PDE1B: variants seen among roughly 807,000 people sequenced by gnomAD.
PDE1B encodes dual specificity calcium/calmodulin-dependent 3',5'-cyclic nucleotide phosphodiesterase 1B.
In PDE1B, 13 loss-of-function variants were observed where a neutral mutation model predicts 66.7. The observed-to-expected ratio is 0.19, with a 90% confidence interval of 0.13 to 0.31. The LOEUF is 0.31. Ranked by LOEUF, PDE1B falls within the 10% of genes least tolerant of loss-of-function variation. The pLI, the probability that PDE1B is intolerant of heterozygous loss-of-function variation, is 1.00. For missense variants in PDE1B, 485 were observed against 682.3 expected (o/e 0.71, Z 3.22); for synonymous variants, 230 against 253.9 (o/e 0.91, Z 0.90).
chr12:54,556,884 G>A (rs1208152746), intron 2 of PDE1B, among the ~76,000 whole-genome samples: 4 of 151,650 alleles, frequency 2.6e-5, no homozygotes, highest in Non-Finnish European at 4.4e-5. Context: ...GAGGGCTGGG[G>A]GCTGGGGGCT....
At chr12:54,557,196 G>A (rs550906215) in intron 2 of PDE1B, among the ~76,000 whole-genome samples, 2 of 152,278 alleles carry the variant, frequency 1.3e-5, no homozygotes, top group African/African-American at 2.4e-5. Context: ...AAATCAAATT[G>A]CACTAGACAC....
At chr12:54,563,061 C>T (rs1957447623) in intron 2 of PDE1B, among the ~76,000 whole-genome samples, 1 of 152,144 alleles carries the variant, frequency 6.6e-6, no homozygotes, top group African/African-American at 2.4e-5. Flanking sequence ...TGGGAGATAG[C>T]CTCACACCTG....
chr12:54,563,879 G>A (rs188899321), intron 2 of PDE1B, among the ~76,000 whole-genome samples: 63 of 152,186 alleles, frequency 4.1e-4, no homozygotes, highest in African/African-American at 1.5e-3. Flanking sequence ...GCGAACTGTG[G>A]CTCACACCTG....
At chr12:54,565,126 G>C (rs1031330010) in intron 2 of PDE1B, among the ~76,000 whole-genome samples, 1 of 152,244 alleles carries the variant, frequency 6.6e-6, no homozygotes, top group Non-Finnish European at 1.5e-5. Context: ...GCTGGGATGT[G>C]GGTTTCAAAA....
chr12:54,562,503 T>A (rs982233739), intron 2 of PDE1B, among the ~76,000 whole-genome samples: 24 of 152,342 alleles, frequency 1.6e-4, no homozygotes, highest in Middle Eastern at 3.4e-3. Flanking sequence ...GGGTTGAGCA[T>A]CCTGTTCTAC....
chr12:54,554,659 T>C (rs937198972), intron 2 of PDE1B, among the ~76,000 whole-genome samples: 2 of 152,008 alleles, frequency 1.3e-5, no homozygotes, highest in Non-Finnish European at 1.5e-5. Flanking sequence ...CTGGTCAGGA[T>C]AGGTGGCTGG....
chr12:54,571,525 T>C (rs946073120), intron 6 of PDE1B: 1 of 152,214 alleles, frequency 6.6e-6, no homozygotes, highest in Non-Finnish European at 1.5e-5. Context: ...CAAGAGTAGC[T>C]GTTTTGGGTT....
At chr12:54,556,735 C>T (rs900333330) in intron 2 of PDE1B, among the ~76,000 whole-genome samples, 1 of 152,138 alleles carries the variant, frequency 6.6e-6, no homozygotes, top group Non-Finnish European at 1.5e-5. Context: ...AAGAGCCAGA[C>T]TTCCAGGTCA....
chr12:54,579,147 C>G lies in PDE1B; in HGVS notation c.*1305C>G, dbSNP rs1489722114. The G allele has an allele frequency of 1.6e-6, 1 of 627,304 alleles. No individual in the cohort carries two copies. The highest frequency in any genetic ancestry group is 2.0e-5 in the African/African-American group (1 of 49,730). The allele number at this position is 627,304 out of a possible 1,614,324, so 38.9% of individuals were successfully genotyped here. ...CCCTGGTACTTCCACCCTACCCCAC[C>G]CCGAGAAGGGCAGAGACGCATGTGA... On this transcript the variant is annotated 3_prime_UTR_variant, in exon 16 of 16. Transcript: ENST00000243052.
At chr12:54,570,751 C>T (rs544389604) in intron 6 of PDE1B, 4 of 199,536 alleles carry the variant, frequency 2.0e-5, no homozygotes, top group Admixed American at 5.2e-5. Context: ...CTCCCTCCCC[C>T]GTCCCCCAGT....
rs372094042 is a variant in PDE1B at position 54,576,709 on chromosome 12, C to T, written c.1507+8C>T. On this transcript the variant is annotated splice_region_variant and intron_variant, in intron 14 of 15. Coordinates refer to ENST00000243052, the MANE Select transcript of PDE1B (RefSeq NM_000924.4). ...AGGAACGGGCAGCAAGTGGTGGGTA[C>T]CATGGCAGAGGGCAGGGGTGAGAAC... 42 of 1,598,492 alleles carry T rather than the reference C, an allele frequency of 2.6e-5. No homozygotes were observed. In the African/African-American group the frequency reaches 4.6e-4, roughly 17 times the overall value.
intron 2 of PDE1B, among the ~76,000 whole-genome samples, chr12:54,555,448 C>G (rs888801039): frequency 6.6e-6 from 1 of 152,086 alleles, no homozygotes; most frequent in Non-Finnish European, 1.5e-5. Context: ...CCACCTTTGC[C>G]CAGAGGAAGG....
intron 2 of PDE1B, among the ~76,000 whole-genome samples, chr12:54,550,754 C>T (rs188463285): frequency 6.6e-6 from 1 of 152,238 alleles, no homozygotes; most frequent in East Asian, 1.9e-4. Flanking sequence ...ATTTGGGCAT[C>T]TTTTCCTATT....
chr12:54,576,845 C>G lies in PDE1B; in HGVS notation c.1507+144C>G, dbSNP rs1957761361. On this transcript the variant is annotated intron_variant, in intron 14 of 15. Transcript: ENST00000243052. ...GTGGAGCTGATCAGACCAGTTAGAT[C>G]ACAGGAAAGACTGGCTGAGTGGCCT... is the stretch of plus-strand genomic sequence containing the variant. 9 of 824,738 alleles carry G rather than the reference C, an allele frequency of 1.1e-5. No homozygotes were observed. The South Asian group carries it at 1.4e-4, about 13-fold the overall frequency. The allele number at this position is 824,738 out of a possible 1,614,324, so 51.1% of individuals were successfully genotyped here.
rs1353856641 is a variant in PDE1B, at chr12:54,578,355, G to A, written c.*513G>A. 2 of 152,216 alleles carry A rather than the reference G, an allele frequency of 1.3e-5. No individual in the cohort carries two copies. Among genetic ancestry groups the A allele is most frequent in the East Asian group, 3.9e-4 (2 of 5,172 alleles). 9.4% of individuals were successfully genotyped at this position (152,216 alleles called of 1,614,324 possible). On this transcript the variant is annotated 3_prime_UTR_variant, in exon 16 of 16. Coordinates refer to ENST00000243052, the MANE Select transcript of PDE1B (RefSeq NM_000924.4). The stretch of plus-strand genomic sequence containing the variant: ...GGATAGAAAGCTGGGGGTTTTCAGA[G>A]CCCTATGTGTGGGGAGGGGAGTGGA...
At chr12:54,577,425 G>T (rs1957778724) in intron 15 of PDE1B, 80 bp downstream of exon 15, 2 of 1,607,942 alleles carry the variant, frequency 1.2e-6, no homozygotes, top group Non-Finnish European at 1.7e-6. Context: ...GGGCTCCAGT[G>T]GATGCGACAT....
chr12:54,575,274 C>T lies in PDE1B; in HGVS notation c.1185+56C>T. 6.6e-7 allele frequency: 1 copy of T among 1,518,158 alleles called. No homozygotes were observed. Among genetic ancestry groups the T allele is most frequent in the Admixed American group, 1.7e-5 (1 of 59,288 alleles). The allele number at this position is 1,518,158 out of a possible 1,614,324, so 94.0% of individuals were successfully genotyped here. A position where few individuals can be genotyped will look rare whatever the true frequency, so the allele number is the denominator to read the frequency against. On this transcript the variant is annotated intron_variant, in intron 11 of 15. Coordinates refer to ENST00000243052, the MANE Select transcript of PDE1B (RefSeq NM_000924.4). The surrounding 1 kb of genome is among the most constrained non-coding windows in gnomAD (Gnocchi z 4.0). The stretch of plus-strand genomic sequence containing the variant: ...TATGGGGGCCTTCTCTCCCCTTTTG[C>T]CCTCCAAGTTCCCCAATCCTGTTCC...
At chr12:54,561,849 C>T (rs1957421414) in intron 2 of PDE1B, among the ~76,000 whole-genome samples, 1 of 137,394 alleles carries the variant, frequency 7.3e-6, no homozygotes, top group African/African-American at 3.2e-5. Flanking sequence ...CCATTTCCAT[C>T]CCCCCCCACC....
In PDE1B at chr12:54,569,399, C is replaced by A; in HGVS notation, c.410+33C>A. The A allele has an allele frequency of 6.3e-7, 1 of 1,592,234 alleles. No homozygotes were observed. Among genetic ancestry groups the A allele is most frequent in the South Asian group, 1.1e-5 (1 of 87,576 alleles). ...TCGCCCACACTCAGCCTCCCTCTGC[C>A]TTTAGCTGTGCCCCTCTTTCCCAGC... On this transcript the variant is annotated intron_variant, in intron 4 of 15. Coordinates refer to ENST00000243052, the MANE Select transcript of PDE1B (RefSeq NM_000924.4). The surrounding 1 kb of genome is among the most constrained non-coding windows in gnomAD (Gnocchi z 4.4).
Sources: gnomAD v4.1 joint callset for allele counts (sites outside exome capture counted in the v4.1 genomes callset) on GRCh38, gnomAD v4.1.1 for gene constraint, Gnocchi (gnomAD v3.1) non-coding constraint, MANE v1.5 for transcripts, NCBI Gene and HGNC (gene_info 2026-07-23, HGNC 2026-07-21) for gene names.